The following SPIRE2 variants were observed in gnomAD, a reference collection of about 807,000 sequenced individuals.
SPIRE2 encodes protein spire homolog 2.
SPIRE2 carries 76 observed loss-of-function variants against 80.7 expected under a neutral mutation model. The ratio of observed to expected loss-of-function variants is 0.94; its 90% confidence interval spans 0.78 to 1.14. The LOEUF is 1.14. Among genes scored for constraint, SPIRE2 ranks in the 50% most tolerant of loss-of-function variants. The probability of loss-of-function intolerance (pLI) is 0.00; values close to 1 mark genes in which losing one functional copy is unlikely to be tolerated. For synonymous variants in SPIRE2, 535 were observed against 432.6 expected (o/e 1.24, Z -2.94); for missense variants, 1,196 against 1,015.3 (o/e 1.18, Z -2.42).
At chr16:89,855,963 C>A in intron 6 of SPIRE2, 150 bp from the exon 7 acceptor site, 1 of 1,386,068 alleles carries the variant, frequency 7.2e-7, no homozygotes, top group Non-Finnish European at 9.6e-7. Context: ...GCAGCACTCC[C>A]TCCGGGTGGG....
chr16:89,836,701 C>T (rs949395550), intron 1 of SPIRE2, among the ~76,000 whole-genome samples: 3 of 151,772 alleles, frequency 2.0e-5, no homozygotes, highest in African/African-American at 4.8e-5. Flanking sequence ...ATCCCCCGGC[C>T]GGGGGCGGTG....
At chr16:89,851,857 C>T (rs1353008585) in intron 3 of SPIRE2, among the ~76,000 whole-genome samples, 1 of 152,074 alleles carries the variant, frequency 6.6e-6, no homozygotes, top group East Asian at 1.9e-4. Context: ...CTCCCTGACC[C>T]TTTATGGTGC....
chr16:89,834,326 C>A (rs540526495), intron 1 of SPIRE2, among the ~76,000 whole-genome samples: 1 of 135,598 alleles, frequency 7.4e-6, no homozygotes, highest in African/African-American at 2.6e-5. Context: ...TAAGCATAGC[C>A]CGTGTGAATC....
chr16:89,828,835 G>C lies in SPIRE2; in HGVS notation c.244+41G>C. 2 of 1,170,398 alleles carry C rather than the reference G, an allele frequency of 1.7e-6. No individual in the cohort carries two copies. The highest frequency in any genetic ancestry group is 1.1e-6 in the Non-Finnish European group (1 of 947,896). 72.5% of individuals were successfully genotyped at this position (1,170,398 alleles called of 1,614,324 possible). A position where few individuals can be genotyped will look rare whatever the true frequency, so the allele number is the denominator to read the frequency against. ...GGGCAGCCGGCGGGGACCGCGGTCT[G>C]GGGCGTCCGTCCCGCCCCCTGGGTG... On this transcript the variant is annotated intron_variant, in intron 1 of 14. Coordinates refer to ENST00000378247, the MANE Select transcript of SPIRE2 (RefSeq NM_032451.2). This position sits in a 1 kb window ranked among gnomAD's most constrained non-coding sequence, Gnocchi z 5.9.
At chr16:89,855,207 G>A (rs1286899701) in intron 5 of SPIRE2, among the ~76,000 whole-genome samples, 1 of 152,184 alleles carries the variant, frequency 6.6e-6, no homozygotes, top group Non-Finnish European at 1.5e-5. Context: ...CAAAGTGCCA[G>A]GATTACAGAT....
intron 3 of SPIRE2, among the ~76,000 whole-genome samples, chr16:89,853,428 G>A (rs1176947221): frequency 6.6e-6 from 1 of 152,194 alleles, no homozygotes; most frequent in Non-Finnish European, 1.5e-5. Flanking sequence ...TGTGTCTGTT[G>A]GCATTTTGGC....
At chr16:89,837,104 G>C (rs996663398) in intron 1 of SPIRE2, among the ~76,000 whole-genome samples, 1 of 152,186 alleles carries the variant, frequency 6.6e-6, no homozygotes, top group Non-Finnish European at 1.5e-5. Context: ...GTGGGTTCTG[G>C]AATTGCAGGT....
In SPIRE2 at chr16:89,850,368, A is replaced by G; in HGVS notation, c.353A>G (p.Glu118Gly). The change falls in exon 3 of 15, where the codon GAG becomes GGG. Residue 118 changes from glutamate to glycine, a missense_variant. By Grantham distance (98) the Glu-to-Gly change is moderately conservative (BLOSUM62 -2). Coordinates refer to ENST00000378247, the MANE Select transcript of SPIRE2 (RefSeq NM_032451.2). ...GACTGGGGGCTGGACGAGAGCGAGGAGCGCGAACTCAGCCCTCAGCTGGAG... is the reference window on the plus strand; with the variant it reads ...GACTGGGGGCTGGACGAGAGCGAGGGGCGCGAACTCAGCCCTCAGCTGGAG... ...ALDWGLDESE[E>G]RELSPQLERL... 2 of 1,599,808 alleles carry G rather than the reference A, an allele frequency of 1.3e-6. No individual in the cohort carries two copies. The highest frequency in any genetic ancestry group is 1.7e-6 in the Non-Finnish European group (2 of 1,174,964).
intron 3 of SPIRE2, among the ~76,000 whole-genome samples, chr16:89,851,452 C>A (rs2041626971): frequency 6.6e-6 from 1 of 152,170 alleles, no homozygotes; most frequent in Non-Finnish European, 1.5e-5. Flanking sequence ...CATTCTCCTG[C>A]CCCTTACAGG....
intron 12 of SPIRE2, among the ~76,000 whole-genome samples, chr16:89,867,293 G>A (rs1051336979): frequency 2.0e-5 from 3 of 149,626 alleles, no homozygotes; most frequent in African/African-American, 2.4e-5. Flanking sequence ...ACAGGTGCCC[G>A]CCACCATGCC....
Position 89,870,398 on chromosome 16 carries a change from A to G in SPIRE2, c.*126A>G. ...TTTATAATATATACACACAGTCTAT[A>G]TATTTATATACACTGTTTCCTGGCC... is the stretch of plus-strand genomic sequence containing the variant. On this transcript the variant is annotated 3_prime_UTR_variant, in exon 15 of 15. Coordinates refer to ENST00000378247, the MANE Select transcript of SPIRE2 (RefSeq NM_032451.2). The G allele has an allele frequency of 1.6e-6, 1 of 622,618 alleles. No individual in the cohort carries two copies. Among genetic ancestry groups the G allele is most frequent in the South Asian group, 2.0e-5 (1 of 49,276 alleles). 38.6% of individuals were successfully genotyped at this position (622,618 alleles called of 1,614,324 possible).
chr16:89,845,327 G>C lies in SPIRE2; in HGVS notation c.250G>C (p.Ala84Pro). 1 of 1,614,172 alleles carries C rather than the reference G, an allele frequency of 6.2e-7. No individual in the cohort carries two copies. The highest frequency in any genetic ancestry group is 8.5e-7 in the Non-Finnish European group (1 of 1,180,014). The part of the protein sequence containing the change: ...GAREPEAAEP[A>P]TMVVPLASSE... The stretch of plus-strand genomic sequence containing the variant: ...AACTCCCTCTTCTCTTACAGAACCT[G>C]CAACCATGGTCGTGCCACTAGCCAG... Residue 84 changes from alanine to proline, a missense_variant, in exon 2 of 15, where the codon GCA becomes CCA. By Grantham distance (27) the Ala-to-Pro change is conservative (BLOSUM62 -1). Transcript: ENST00000378247.
Position 89,863,597 on chromosome 16 carries a change from T to A in SPIRE2, c.1697T>A (p.Leu566Gln). The A allele has an allele frequency of 6.2e-7, 1 of 1,614,068 alleles. No homozygotes were observed. Among genetic ancestry groups the A allele is most frequent in the South Asian group, 1.1e-5 (1 of 91,082 alleles). ...FLQNKELFSSLKKGKICCCCR... is the reference protein window; with the variant it reads ...FLQNKELFSSQKKGKICCCCR... Reference sequence around the variant, plus strand: ...CAGAACAAGGAGCTCTTCAGCAGTCTGAAGAAGGGGAAGGTGAGGCTGCCT... The same window carrying A: ...CAGAACAAGGAGCTCTTCAGCAGTCAGAAGAAGGGGAAGGTGAGGCTGCCT... The change falls in exon 11 of 15, where the codon CTG becomes CAG. Residue 566 changes from leucine (L) to glutamine (Q), a missense_variant. Coordinates refer to ENST00000378247, the MANE Select transcript of SPIRE2 (RefSeq NM_032451.2). This position sits in a 1 kb window ranked among gnomAD's most constrained non-coding sequence, Gnocchi z 4.3.
intron 12 of SPIRE2, among the ~76,000 whole-genome samples, chr16:89,865,974 A>G (rs2041785912): frequency 6.6e-6 from 1 of 150,706 alleles, no homozygotes; most frequent in Non-Finnish European, 1.5e-5. Context: ...TCAAAAAAAA[A>G]AAAAAAAAAA....
rs1452860958 is a variant in SPIRE2 at position 89,869,649 on chromosome 16, A to G, written c.1889A>G (p.Lys630Arg). The G allele has an allele frequency of 5.0e-6, 8 of 1,614,016 alleles. No individual in the cohort carries two copies. Among genetic ancestry groups the G allele is most frequent in the Non-Finnish European group, 6.8e-6 (8 of 1,180,004 alleles). ...AGTCCTCAGAGGGTATCAGCTGCCA[A>G]AACCGCGCCAATCCAGAGAAGAGAC... ...FESPQRVSAA[K>R]TAPIQRRDIF... The change falls in exon 14 of 15, where the codon AAA (lysine) becomes AGA (arginine). Residue 630 changes from lysine to arginine, a missense_variant. Physicochemically the swap from Lys to Arg is conservative, Grantham distance 26. Coordinates refer to ENST00000378247, the MANE Select transcript of SPIRE2 (RefSeq NM_032451.2).
rs752271250 is a variant in SPIRE2, at chr16:89,855,670, G to A, written c.962G>A (p.Arg321Gln). 18 of 1,612,606 alleles carry A rather than the reference G, an allele frequency of 1.1e-5. No homozygotes were observed. Among genetic ancestry groups the A allele is most frequent in the South Asian group, 3.3e-5 (3 of 91,066 alleles). The change falls in exon 6 of 15, where the codon CGG becomes CAG. Residue 321 changes from arginine to glutamine, a missense_variant. By Grantham distance (43) the Arg-to-Gln change is conservative (BLOSUM62 1). Coordinates refer to ENST00000378247, the MANE Select transcript of SPIRE2 (RefSeq NM_032451.2). ...HELILDFIRS[R>Q]PPLKQVSERR... ...CTCATCCTGGACTTTATCCGCTCACGGCCTCCACTGAAGCAGGTGCTGCCC... is the reference window on the plus strand; with the variant it reads ...CTCATCCTGGACTTTATCCGCTCACAGCCTCCACTGAAGCAGGTGCTGCCC...
intron 5 of SPIRE2, among the ~76,000 whole-genome samples, chr16:89,855,217 T>C (rs898469869): frequency 5.3e-5 from 8 of 152,152 alleles, no homozygotes; most frequent in Admixed American, 6.5e-5. Flanking sequence ...GGATTACAGA[T>C]GTGAGCCACC....
chr16:89,836,416 C>T (rs962485280), intron 1 of SPIRE2: 4 of 354,792 alleles, frequency 1.1e-5, no homozygotes, highest in Non-Finnish European at 2.3e-5. Flanking sequence ...CCTCCAGATC[C>T]TCCTCCACTG....
chr16:89,847,798 C>T (rs1265857901), intron 2 of SPIRE2, among the ~76,000 whole-genome samples: 1 of 152,210 alleles, frequency 6.6e-6, no homozygotes, highest in Non-Finnish European at 1.5e-5. Context: ...AAGTTTTTTG[C>T]TTTTCAGAGA....
Sources: gnomAD v4.1 joint callset for allele counts (sites outside exome capture counted in the v4.1 genomes callset) on GRCh38, gnomAD v4.1.1 for gene constraint, Gnocchi (gnomAD v3.1) non-coding constraint, MANE v1.5 for transcripts, NCBI Gene and HGNC (gene_info 2026-07-23, HGNC 2026-07-21) for gene names.